PHIP: variants seen among roughly 807,000 people sequenced by gnomAD.
PHIP encodes PH-interacting protein.
A neutral mutation model predicts 236.8 loss-of-function variants in PHIP; 54 were observed. That is an observed-to-expected ratio of 0.23 (90% confidence interval 0.18 to 0.29). The LOEUF (loss-of-function observed/expected upper bound fraction) is 0.29. Among genes scored for constraint, PHIP ranks in the 10% least tolerant of loss-of-function variants. The probability of loss-of-function intolerance (pLI) is 1.00; values close to 1 mark genes in which losing one functional copy is unlikely to be tolerated. For synonymous variants in PHIP, 756 were observed against 718.9 expected (o/e 1.05, Z -0.83); for missense variants, 1,370 against 2,190.8 (o/e 0.63, Z 7.48).
intron 21 of PHIP, among the ~76,000 whole-genome samples, chr6:78,985,848 A>G (rs1768835954): frequency 6.6e-6 from 1 of 152,140 alleles, no homozygotes; most frequent in African/African-American, 2.4e-5. Context: ...TAAAATAATA[A>G]AAGAGTCAGC....
At chr6:78,988,846 A>T (rs937421694) in intron 20 of PHIP, among the ~76,000 whole-genome samples, 1 of 152,178 alleles carries the variant, frequency 6.6e-6, no homozygotes, top group Non-Finnish European at 1.5e-5. Flanking sequence ...TGTAAGAAAA[A>T]GGATAATGGG....
chr6:78,988,149 C>T (rs1768982141), intron 21 of PHIP, 60 bp downstream of exon 21: 3 of 1,235,098 alleles, frequency 2.4e-6, no homozygotes, highest in African/African-American at 1.5e-5. Flanking sequence ...AAGAATGAAA[C>T]TCATATTTAA....
chr6:79,055,990 T>C (rs1197714917), intron 6 of PHIP, among the ~76,000 whole-genome samples: 1 of 152,180 alleles, frequency 6.6e-6, no homozygotes, highest in Non-Finnish European at 1.5e-5. Flanking sequence ...TTACCCACCT[T>C]TGAACTTTAC....
At chr6:79,015,291 T>C (rs1582225379) in intron 14 of PHIP, 75 bp from the exon 15 acceptor site, 1 of 1,162,058 alleles carries the variant, frequency 8.6e-7, no homozygotes, top group Non-Finnish European at 1.3e-6. Context: ...GAAATACCAA[T>C]ATGGCACTAT....
intron 30 of PHIP, among the ~76,000 whole-genome samples, chr6:78,962,591 A>T (rs1766856732): frequency 6.6e-6 from 1 of 152,090 alleles, no homozygotes; most frequent in Admixed American, 6.5e-5. Context: ...CACATAATCT[A>T]GTTACTTCAG....
At chr6:79,028,778 C>CT in intron 7 of PHIP, among the ~76,000 whole-genome samples, 1 of 152,284 alleles carries the variant, frequency 6.6e-6, no homozygotes, top group Middle Eastern at 3.4e-3. Flanking sequence ...TCATGTTATG[C>CT]TTCACAATAC....
At chr6:78,974,377 G>C (rs1409379698) in intron 24 of PHIP, among the ~76,000 whole-genome samples, 3 of 151,734 alleles carry the variant, frequency 2.0e-5, no homozygotes, top group Non-Finnish European at 4.4e-5. Context: ...ATTCAAAGCA[G>C]TGTGTAGAGG....
chr6:79,009,316 TA>T (rs1770453475), intron 15 of PHIP, among the ~76,000 whole-genome samples: 1 of 152,136 alleles, frequency 6.6e-6, no homozygotes, highest in Non-Finnish European at 1.5e-5. Flanking sequence ...CTTAGCTTTT[TA>T]TAATGTTCCT....
chr6:79,025,899 TAACAACAAC>T (rs199694542), intron 8 of PHIP, 35 bp downstream of exon 8: 5 of 1,340,716 alleles, frequency 3.7e-6, no homozygotes, highest in African/African-American at 2.9e-5. Flanking sequence ...CTTTACATTA[TAACAACAAC>T]AACAACAACA....
intron 38 of PHIP, 141 bp from the exon 39 acceptor site, chr6:78,945,638 A>G (rs1773771724): frequency 3.1e-6 from 2 of 651,342 alleles, no homozygotes; most frequent in Non-Finnish European, 5.3e-6. Context: ...GCTACTTTCT[A>G]ATAGGAAAAA....
At chr6:79,027,197 AAATAT>A (rs2127749142) in intron 7 of PHIP, among the ~76,000 whole-genome samples, 1 of 152,304 alleles carries the variant, frequency 6.6e-6, no homozygotes, top group African/African-American at 2.4e-5. Flanking sequence ...TACTGACAAT[AAATAT>A]AACATATTAA....
At chr6:79,038,716 T>C (rs1345367288) in intron 7 of PHIP, among the ~76,000 whole-genome samples, 1 of 152,156 alleles carries the variant, frequency 6.6e-6, no homozygotes, top group Non-Finnish European at 1.5e-5. Context: ...ACATACAAGA[T>C]AATGTATTCC....
chr6:78,982,434 G>A (rs750617244), intron 23 of PHIP, among the ~76,000 whole-genome samples: 62 of 151,848 alleles, frequency 4.1e-4, no homozygotes, highest in Non-Finnish European at 3.8e-4. Flanking sequence ...CACTTTATTC[G>A]CCTTGGGGTC....
chr6:78,947,817 C>T, intron 35 of PHIP, 42 bp from the exon 36 acceptor site: 1 of 1,404,304 alleles, frequency 7.1e-7, no homozygotes, highest in Non-Finnish European at 1.0e-6. Context: ...TATTACTACA[C>T]AAAGCATCAC....
rs778680598 is a variant in PHIP at position 78,955,187 on chromosome 6, T to G, written c.3903+45A>C. The G allele has an allele frequency of 8.2e-6, 11 of 1,347,490 alleles. No homozygotes were observed. In the South Asian group the frequency reaches 1.1e-4, roughly 14 times the overall value. 83.5% of individuals were successfully genotyped at this position (1,347,490 alleles called of 1,614,324 possible). On this transcript the variant is annotated intron_variant, in intron 34 of 39. Coordinates refer to ENST00000275034, the MANE Select transcript of PHIP (RefSeq NM_017934.7). ...AAAATAAAGAAAGCTCTTAATACATTTTAATTCATATAAAGTACTTCTGCT... is the reference window on the plus strand; with the variant it reads ...AAAATAAAGAAAGCTCTTAATACATGTTAATTCATATAAAGTACTTCTGCT...
rs1200611202 is a variant in PHIP at position 78,963,043 on chromosome 6, C to T, written c.3535+54G>A. 3.4e-6 allele frequency: 5 copies of T among 1,479,330 alleles called. No homozygotes were observed. The East Asian group carries it at 1.2e-4, about 36-fold the overall frequency. 91.6% of individuals were successfully genotyped at this position (1,479,330 alleles called of 1,614,324 possible). A position where few individuals can be genotyped will look rare whatever the true frequency, so the allele number is the denominator to read the frequency against. On this transcript the variant is annotated intron_variant, in intron 30 of 39. Coordinates refer to ENST00000275034, the MANE Select transcript of PHIP (RefSeq NM_017934.7). ...TTTGTTGGAGAATAACAGTATTTTT[C>T]CATTACTTTGTGTTCTGCCAGTTTT...
chr6:78,946,407 C>T, intron 37 of PHIP, 147 bp from the exon 38 acceptor site: 3 of 1,393,166 alleles, frequency 2.2e-6, no homozygotes, highest in Non-Finnish European at 2.8e-6. Flanking sequence ...GATTGTGAGC[C>T]TTTGAAAGTG....
chr6:78,988,346 G>T lies in PHIP; in HGVS notation c.2323C>A (p.His775Asn), dbSNP rs750907189. Residue 775 changes from histidine (H) to asparagine (N), a missense_variant, in exon 21 of 40, where the codon CAT (histidine) becomes AAT (asparagine). His to Asn is a moderately conservative substitution (Grantham distance 68). Transcript: ENST00000275034. Reference sequence around the variant, plus strand: ...AGATCCAGGAAATGCTCATGAGCATGATTCTAGAAAAAAATAAATTAAATT... The same window carrying T: ...AGATCCAGGAAATGCTCATGAGCATTATTCTAGAAAAAAATAAATTAAATT... ...ENKIPTVSKN[H>N]AHEHFLDLGE... is the part of the protein sequence containing the mutation. 2.0e-5 allele frequency: 31 copies of T among 1,574,052 alleles called. No individual in the cohort carries two copies. In the South Asian group the frequency reaches 2.7e-4, roughly 14 times the overall value.
chr6:79,040,683 G>A (rs1247898519), intron 7 of PHIP, among the ~76,000 whole-genome samples: 1 of 152,004 alleles, frequency 6.6e-6, no homozygotes, highest in Non-Finnish European at 1.5e-5. Flanking sequence ...AATATGAATA[G>A]TGAACATATG....
Sources: allele counts gnomAD v4.1 joint callset (sites outside exome capture counted in the v4.1 genomes callset), GRCh38; gene constraint gnomAD v4.1.1; transcripts MANE v1.5; gene names NCBI Gene and HGNC (gene_info 2026-07-23, HGNC 2026-07-21).